The following MCF2L variants were observed in gnomAD, a reference collection of about 807,000 sequenced individuals.
MCF2L encodes the protein MCF.2 cell line derived transforming sequence like.
MCF2L carries 97 observed loss-of-function variants against 153.4 expected under a neutral mutation model. The ratio of observed to expected loss-of-function variants is 0.63; its 90% confidence interval spans 0.54 to 0.75. The LOEUF (loss-of-function observed/expected upper bound fraction) is 0.75. MCF2L is among the 30% of genes least tolerant of loss of function. The pLI is 0.00. For synonymous variants in MCF2L, 659 were observed against 632.2 expected, an observed-to-expected ratio of 1.04 and a Z score of -0.64; for missense variants, 1,347 against 1,495.2, an observed-to-expected ratio of 0.90 and a Z score of 1.64.
In MCF2L at chr13:113,064,440, G is replaced by A; in HGVS notation, c.606+20G>A. The A allele has an allele frequency of 6.5e-7, 1 of 1,534,620 alleles. No homozygotes were observed. The highest frequency in any genetic ancestry group is 9.0e-7 in the Non-Finnish European group (1 of 1,111,374). The stretch of plus-strand genomic sequence containing the variant: ...CGCACGGTGAGCCGCGTCGGGGCCA[G>A]CGGGGCTGGCTGATACCAGCTCGAG... On this transcript the variant is annotated intron_variant, in intron 6 of 29. Transcript: ENST00000535094. The surrounding 1 kb of genome is among the most constrained non-coding windows in gnomAD (Gnocchi z 6.0).
At position 113,064,602 on chromosome 13, in the gene MCF2L, A is replaced by G. The variant is rs1185054295; in HGVS notation, c.606+182A>G. 5 of 589,810 alleles carry G rather than the reference A, an allele frequency of 8.5e-6. No homozygotes were observed. Among genetic ancestry groups the G allele is most frequent in the South Asian group, 2.1e-5 (1 of 47,704 alleles). The allele number at this position is 589,810 out of a possible 1,614,324, so 36.5% of individuals were successfully genotyped here. A position where few individuals can be genotyped will look rare whatever the true frequency, so the allele number is the denominator to read the frequency against. Reference sequence around the variant, plus strand: ...TCATTGTAAAGAAGTAACGTGAGTCATAAGTTTGGGAGTGGCTTTCTCTGG... The same window carrying G: ...TCATTGTAAAGAAGTAACGTGAGTCGTAAGTTTGGGAGTGGCTTTCTCTGG... On this transcript the variant is annotated intron_variant, in intron 6 of 29. Coordinates refer to ENST00000535094, the MANE Select transcript of MCF2L (RefSeq NM_001112732.3). This position sits in a 1 kb window ranked among gnomAD's most constrained non-coding sequence, Gnocchi z 6.0.
At chr13:113,010,502 C>T (rs991195470) in intron 1 of MCF2L, among the ~76,000 whole-genome samples, 2 of 152,198 alleles carry the variant, frequency 1.3e-5, no homozygotes, top group Admixed American at 1.3e-4. Context: ...GCCCTTCCCA[C>T]GCTTGGGAAA....
chr13:112,985,023 C>T, intron 1 of MCF2L: 1 of 188,378 alleles, frequency 5.3e-6, no homozygotes, highest in Non-Finnish European at 1.1e-5. Context: ...TGCTGCGTTT[C>T]ATCTTCCGGC....
At position 112,912,943 on chromosome 13, in the gene MCF2L, GTGTC is replaced by G. The variant is rs1201653583; in HGVS notation, c.169+10576_169+10579del. Among the ~76,000 whole-genome samples, 7 of 151,606 alleles carry G rather than the reference GTGTC, an allele frequency of 4.6e-5. No individual in the cohort carries two copies. The South Asian group carries it at 8.3e-4, about 18-fold the overall frequency. ...ATGGGGTGTGTCTGTATGATTGTGT[GTGTC>G]TGTGGTGTATCTGTGTCTGTATGTA... On this transcript the variant is annotated intron_variant, in intron 2 of 29. Coordinates refer to the MCF2L transcript ENST00000375608.
rs1183159447 is a variant in MCF2L at position 112,907,548 on chromosome 13, A to G, written c.169+5177A>G. 1.3e-5 allele frequency among the ~76,000 whole-genome samples: 2 copies of G among 152,136 alleles called. No homozygotes were observed. The highest frequency in any genetic ancestry group is 2.9e-5 in the Non-Finnish European group (2 of 68,016). On this transcript the variant is annotated intron_variant, in intron 2 of 29. Coordinates refer to the MCF2L transcript ENST00000375608. The surrounding 1 kb of genome is among the most constrained non-coding windows in gnomAD (Gnocchi z 5.1). ...GCCTTTGCAGGGGCTGTAGTTGTGC[A>G]TTCGTGAATCTGACGGGGGAAGATG...
At chr13:113,078,336 A>T in intron 13 of MCF2L, 27 bp from the exon 14 acceptor site, 1 of 1,592,404 alleles carries the variant, frequency 6.3e-7, no homozygotes, top group Admixed American at 1.7e-5. Context: ...AGGGGACTTC[A>T]TGCCCCGCTC....
At chr13:113,091,282 C>A in intron 26 of MCF2L, 1 of 1,166,970 alleles carries the variant, frequency 8.6e-7, no homozygotes, top group Non-Finnish European at 1.1e-6. Flanking sequence ...TCAAGGCCAC[C>A]TAAGGGGGAT....
chr13:112,982,911 G>T (rs2082489781), intron 1 of MCF2L, among the ~76,000 whole-genome samples: 1 of 152,180 alleles, frequency 6.6e-6, no homozygotes, highest in Admixed American at 6.5e-5. Context: ...TGTGGAGGGG[G>T]TGTCGGTGGA....
At chr13:112,979,355 A>G in intron 1 of MCF2L, 2 of 1,298,686 alleles carry the variant, frequency 1.5e-6, no homozygotes, top group Non-Finnish European at 2.0e-6. Context: ...GGGTTTCTCT[A>G]GCACCTCGGC....
chr13:113,024,013 G>A (rs751550076), intron 2 of MCF2L, among the ~76,000 whole-genome samples: 3 of 152,216 alleles, frequency 2.0e-5, no homozygotes, highest in Admixed American at 6.5e-5. Context: ...ACCCAGGCTC[G>A]GGGGAGGGAA....
rs1007717265 is a variant in MCF2L at position 113,099,009 on chromosome 13, C to T, written c.*2150C>T. The stretch of plus-strand genomic sequence containing the variant: ...TGGCCTGGAAGAGCATCGGATCAGA[C>T]GTGACAAGTCACTGCTTAGAGACCA... On this transcript the variant is annotated 3_prime_UTR_variant, in exon 30 of 30. Coordinates refer to ENST00000535094, the MANE Select transcript of MCF2L (RefSeq NM_001112732.3). 2.6e-5 allele frequency: 4 copies of T among 152,168 alleles called. No homozygotes were observed. The highest frequency in any genetic ancestry group is 1.9e-4 in the East Asian group (1 of 5,200). The allele number at this position is 152,168 out of a possible 1,614,324, so 9.4% of individuals were successfully genotyped here. A position where few individuals can be genotyped will look rare whatever the true frequency, so the allele number is the denominator to read the frequency against.
At chr13:112,963,825 C>A (rs1467026463) in intron 2 of MCF2L, among the ~76,000 whole-genome samples, 1 of 152,202 alleles carries the variant, frequency 6.6e-6, no homozygotes, top group African/African-American at 2.4e-5. Context: ...GGTGGGGCCA[C>A]AGCCAAGAGT....
At chr13:113,056,813 GGGTGCTGAGTGTTTA>G (rs2029953840) in intron 4 of MCF2L, among the ~76,000 whole-genome samples, 1 of 138,570 alleles carries the variant, frequency 7.2e-6, no homozygotes. Flanking sequence ...CTGTGTGTTT[GGGTGCTGAGTGTTTA>G]GGTGCTGTGT....
intron 1 of MCF2L, among the ~76,000 whole-genome samples, chr13:112,973,084 G>A (rs1272702271): frequency 6.6e-6 from 1 of 152,000 alleles, no homozygotes; most frequent in Non-Finnish European, 1.5e-5. Flanking sequence ...ACGCATTTCT[G>A]TGTGGAATTG....
chr13:112,997,824 G>A (rs1042191860), intron 1 of MCF2L, among the ~76,000 whole-genome samples: 3 of 152,246 alleles, frequency 2.0e-5, no homozygotes, highest in Non-Finnish European at 2.9e-5. Flanking sequence ...AGGGACCAGC[G>A]TGGTGACGCT....
intron 1 of MCF2L, among the ~76,000 whole-genome samples, chr13:112,897,199 C>T (rs1006061330): frequency 3.3e-5 from 5 of 152,162 alleles, no homozygotes; most frequent in African/African-American, 7.2e-5. Context: ...TCATGAGGGT[C>T]GCTCCTGGCG....
At chr13:112,968,362 C>T (rs891741366), upstream of MCF2L, 7 of 1,439,500 alleles carry the variant, frequency 4.9e-6, no homozygotes, top group Admixed American at 1.1e-4. Flanking sequence ...TGCATATGGC[C>T]CTGTGATGGC....
intron 3 of MCF2L, chr13:113,044,766 AGCAGAT>A: frequency 6.2e-7 from 1 of 1,612,918 alleles, no homozygotes; most frequent in East Asian, 2.2e-5. Context: ...TCCCGTTTCC[AGCAGAT>A]GCTTGGGAAC....
At chr13:113,096,200 T>C in intron 27 of MCF2L, 171 bp from the exon 28 acceptor site, 1 of 618,006 alleles carries the variant, frequency 1.6e-6, no homozygotes, top group Non-Finnish European at 2.9e-6. Flanking sequence ...GCGGTAGTCA[T>C]GCCCTGCGGC....
Sources: allele counts gnomAD v4.1 joint callset (sites outside exome capture counted in the v4.1 genomes callset), GRCh38; gene constraint gnomAD v4.1.1; non-coding constraint Gnocchi (gnomAD v3.1); transcripts MANE v1.5; gene names NCBI Gene and HGNC (gene_info 2026-07-23, HGNC 2026-07-21).